FMN1: variants seen among roughly 807,000 people sequenced by gnomAD.
FMN1 encodes the protein formin 1, also known as formin-1.
Under a neutral mutation model 132.4 loss-of-function variants are expected in FMN1, and 110 were observed. That is an observed-to-expected ratio of 0.83 (90% CI 0.71 to 0.97). The LOEUF (loss-of-function observed/expected upper bound fraction) is 0.97. FMN1 is among the 50% of genes least tolerant of loss of function. FMN1 has a pLI of 0.00. For missense variants in FMN1, 1,792 were observed against 1,705.3 expected (o/e 1.05, Z -0.90); for synonymous variants, 722 against 651.7 (o/e 1.11, Z -1.64).
At chr15:32,903,168 A>T (rs1405968959) in intron 12 of FMN1, among the ~76,000 whole-genome samples, 6 of 149,982 alleles carry the variant, frequency 4.0e-5, no homozygotes, top group African/African-American at 7.5e-5. Context: ...CATAATCCAC[A>T]ATCTTTTTTT....
intron 16 of FMN1, among the ~76,000 whole-genome samples, chr15:32,866,578 A>C (rs1027596675): frequency 6.6e-6 from 1 of 152,158 alleles, no homozygotes; most frequent in African/African-American, 2.4e-5. Flanking sequence ...TGACATTCCT[A>C]ATGTTTGTGT....
chr15:33,063,719 T>C (rs573130711), intron 6 of FMN1: 1 of 152,346 alleles, frequency 6.6e-6, no homozygotes, highest in Admixed American at 6.5e-5. Context: ...TCCATTCAAG[T>C]TTGGGTTAAA....
intron 7 of FMN1, among the ~76,000 whole-genome samples, chr15:32,974,910 A>G (rs2032080307): frequency 6.6e-6 from 1 of 152,224 alleles, no homozygotes; most frequent in Non-Finnish European, 1.5e-5. Flanking sequence ...GAGAATAGTT[A>G]TTCTACACAG....
chr15:32,807,754 A>T (rs750039588), intron 17 of FMN1, among the ~76,000 whole-genome samples: 9 of 152,272 alleles, frequency 5.9e-5, no homozygotes, highest in African/African-American at 1.2e-4. Context: ...GGTATTATTA[A>T]GAGCCAATGC....
At chr15:32,952,059 T>G (rs2061666276) in intron 9 of FMN1, among the ~76,000 whole-genome samples, 1 of 152,224 alleles carries the variant, frequency 6.6e-6, no homozygotes, top group South Asian at 2.1e-4. Context: ...GTCTGTGAGT[T>G]CTACCTCCTT....
intron 4 of FMN1, among the ~76,000 whole-genome samples, chr15:33,132,701 G>A (rs554541942): frequency 2.0e-5 from 3 of 152,074 alleles, no homozygotes; most frequent in African/African-American, 7.2e-5. Flanking sequence ...AAAGAACTTC[G>A]GGGGCCTTGG....
rs190185406 is a variant in FMN1 at position 32,770,487 on chromosome 15, T to C, written c.*3823A>G. 1 of 152,348 alleles carries C rather than the reference T, an allele frequency of 6.6e-6. No homozygotes were observed. The highest frequency in any genetic ancestry group is 2.4e-5 in the African/African-American group (1 of 41,584). The allele number at this position is 152,348 out of a possible 1,614,324, so 9.4% of individuals were successfully genotyped here. A position where few individuals can be genotyped will look rare whatever the true frequency, so the allele number is the denominator to read the frequency against. On this transcript the variant is annotated 3_prime_UTR_variant, in exon 21 of 21. Coordinates refer to ENST00000616417, the MANE Select transcript of FMN1 (RefSeq NM_001277313.2). ...ACATATTTCTTCTGCTACATCTCAC[T>C]GCGGCCCTTAGAAAAACCGTACCAA...
chr15:32,794,577 T>A (rs992214395), intron 19 of FMN1, among the ~76,000 whole-genome samples: 10 of 142,800 alleles, frequency 7.0e-5, no homozygotes, highest in South Asian at 6.9e-4. Flanking sequence ...CCAAAAAAAA[T>A]AAAAAATAAA....
intron 6 of FMN1, among the ~76,000 whole-genome samples, chr15:33,030,819 G>A (rs1403129072): frequency 6.6e-6 from 1 of 152,112 alleles, no homozygotes; most frequent in African/African-American, 2.4e-5. Flanking sequence ...TAAACCTTAT[G>A]TGGGAGTTTT....
chr15:32,816,702 A>G (rs1312243425), intron 17 of FMN1, among the ~76,000 whole-genome samples: 2 of 152,030 alleles, frequency 1.3e-5, no homozygotes, highest in African/African-American at 4.8e-5. Context: ...AAAAACTGTA[A>G]AACTGTCATA....
rs891603833 is a variant in FMN1 at position 32,930,606 on chromosome 15, A to T, written c.3139-4345T>A. 2.6e-5 allele frequency among the ~76,000 whole-genome samples: 4 copies of T among 151,422 alleles called. No homozygotes were observed. In the East Asian group the frequency reaches 5.8e-4, roughly 22 times the overall value. On this transcript the variant is annotated intron_variant, in intron 9 of 20. Coordinates refer to ENST00000616417, the MANE Select transcript of FMN1 (RefSeq NM_001277313.2). ...TTTATCAGACATATGGTTTGCAAAT[A>T]TTTTTTCCCATTCTGTAAGTTGTCT...
intron 4 of FMN1, among the ~76,000 whole-genome samples, chr15:33,117,596 G>A (rs1313233158): frequency 1.3e-5 from 2 of 152,086 alleles, no homozygotes; most frequent in Admixed American, 1.3e-4. Flanking sequence ...TCCACTTCAG[G>A]GATCAAAATT....
At chr15:32,819,864 T>A (rs1022045104) in intron 17 of FMN1, among the ~76,000 whole-genome samples, 2 of 152,228 alleles carry the variant, frequency 1.3e-5, no homozygotes, top group African/African-American at 4.8e-5. Context: ...TAGTTTAATG[T>A]CATTTATATA....
chr15:33,090,239 G>C (rs113620164), intron 4 of FMN1, among the ~76,000 whole-genome samples: 1 of 152,176 alleles, frequency 6.6e-6, no homozygotes, highest in Non-Finnish European at 1.5e-5. Flanking sequence ...CCCTGTAAGA[G>C]TCTATTTGGC....
intron 6 of FMN1, 99 bp from the exon 7 acceptor site, chr15:33,008,174 C>A (rs1365116566): frequency 4.3e-6 from 4 of 921,396 alleles, no homozygotes; most frequent in East Asian, 2.6e-5. Flanking sequence ...AAAATAAATG[C>A]CACAATTTGA....
intron 4 of FMN1, among the ~76,000 whole-genome samples, chr15:33,116,923 C>T (rs962019565): frequency 7.1e-6 from 1 of 140,600 alleles, no homozygotes; most frequent in African/African-American, 2.5e-5. Flanking sequence ...ACACGTTTTA[C>T]AGCACTCAAT....
intron 2 of FMN1, among the ~76,000 whole-genome samples, chr15:33,187,418 G>A (rs1299196929): frequency 1.3e-5 from 2 of 152,176 alleles, no homozygotes; most frequent in East Asian, 1.9e-4. Context: ...ATCTCCCCAG[G>A]GCTGTTGGGA....
chr15:33,018,402 T>C (rs1012352566), intron 6 of FMN1, among the ~76,000 whole-genome samples: 6 of 151,982 alleles, frequency 3.9e-5, no homozygotes, highest in Non-Finnish European at 7.4e-5. Context: ...TCCCAACCTA[T>C]GGGGAGGGCA....
At chr15:32,855,269 A>T (rs1001435904) in intron 17 of FMN1, among the ~76,000 whole-genome samples, 5 of 152,022 alleles carry the variant, frequency 3.3e-5, no homozygotes, top group Non-Finnish European at 5.9e-5. Flanking sequence ...TCAAGATTTT[A>T]AAAAATCTCC....
Sources: gnomAD v4.1 joint callset for allele counts (sites outside exome capture counted in the v4.1 genomes callset) on GRCh38, gnomAD v4.1.1 for gene constraint, MANE v1.5 for transcripts, NCBI Gene and HGNC (gene_info 2026-07-23, HGNC 2026-07-21) for gene names.